SAMSN1: variants seen among roughly 807,000 people sequenced by gnomAD.
SAMSN1 encodes the protein SAM domain-containing protein SAMSN-1.
SAMSN1 carries 31 observed loss-of-function variants against 42.0 expected under a neutral mutation model. The observed-to-expected ratio is 0.74, with a 90% confidence interval of 0.55 to 1.00. The LOEUF (loss-of-function observed/expected upper bound fraction) is 1.00, where lower values mean the gene tolerates loss of function less well. Ranked by LOEUF, SAMSN1 falls within the 50% of genes least tolerant of loss-of-function variation. The probability of loss-of-function intolerance (pLI) is 0.00; values close to 1 mark genes in which losing one functional copy is unlikely to be tolerated. For missense variants in SAMSN1, 464 were observed against 439.4 expected, an observed-to-expected ratio of 1.06 and a Z score of -0.50; for synonymous variants, 178 against 151.9, an observed-to-expected ratio of 1.17 and a Z score of -1.26.
intron 2 of SAMSN1, among the ~76,000 whole-genome samples, chr21:14,618,221 T>C (rs1332912500): frequency 6.6e-6 from 1 of 152,224 alleles, no homozygotes; most frequent in Admixed American, 6.5e-5. Flanking sequence ...GTAATGAATA[T>C]TTTGGGCAAA....
At chr21:14,645,272 G>C (rs1445118113) in intron 1 of SAMSN1, among the ~76,000 whole-genome samples, 1 of 152,340 alleles carries the variant, frequency 6.6e-6, no homozygotes, top group South Asian at 2.1e-4. Flanking sequence ...AGCCACAGGG[G>C]TGCCAGTGTC....
intron 2 of SAMSN1, among the ~76,000 whole-genome samples, chr21:14,564,172 C>T (rs920789331): frequency 6.6e-6 from 1 of 152,124 alleles, no homozygotes; most frequent in Admixed American, 6.6e-5. Flanking sequence ...ATCAGATAAT[C>T]TAAGAGGACC....
At chr21:14,542,430 A>T (rs1038041166) in intron 1 of SAMSN1, among the ~76,000 whole-genome samples, 3 of 152,226 alleles carry the variant, frequency 2.0e-5, no homozygotes, top group African/African-American at 7.2e-5. Flanking sequence ...TTAGTGTACA[A>T]AAAGCTGTAA....
At chr21:14,560,634 T>C (rs1019433342) in intron 2 of SAMSN1, among the ~76,000 whole-genome samples, 4 of 152,206 alleles carry the variant, frequency 2.6e-5, no homozygotes, top group Admixed American at 2.0e-4. Flanking sequence ...CAACAAGCTT[T>C]AGAAATTTTG....
At chr21:14,627,895 T>C (rs1182311639) in intron 2 of SAMSN1, among the ~76,000 whole-genome samples, 2 of 152,150 alleles carry the variant, frequency 1.3e-5, no homozygotes. Flanking sequence ...CTAGGAAATG[T>C]GATACAGAAA....
intron 6 of SAMSN1, among the ~76,000 whole-genome samples, chr21:14,595,575 T>C (rs1455531976): frequency 6.6e-6 from 1 of 152,188 alleles, no homozygotes; most frequent in East Asian, 1.9e-4. Context: ...ATTAAACATC[T>C]TGAGGGAGTA....
intron 3 of SAMSN1, among the ~76,000 whole-genome samples, chr21:14,513,461 C>A (rs1987775095): frequency 6.6e-6 from 1 of 152,016 alleles, no homozygotes. Context: ...AACAAGATAA[C>A]AGGGTGCTTG....
At chr21:14,580,423 C>T (rs1180313906) in intron 2 of SAMSN1, among the ~76,000 whole-genome samples, 2 of 152,220 alleles carry the variant, frequency 1.3e-5, no homozygotes, top group Non-Finnish European at 2.9e-5. Context: ...AGCTTAGCCA[C>T]TTGCCAAGGA....
chr21:14,637,548 T>C (rs1040200907), intron 2 of SAMSN1, among the ~76,000 whole-genome samples: 5 of 152,192 alleles, frequency 3.3e-5, no homozygotes, highest in African/African-American at 9.7e-5. Flanking sequence ...AAGATGGGGT[T>C]TGGGTATCTG....
intron 2 of SAMSN1, among the ~76,000 whole-genome samples, chr21:14,634,262 T>C (rs1983408600): frequency 1.3e-5 from 2 of 151,818 alleles, no homozygotes; most frequent in African/African-American, 4.8e-5. Flanking sequence ...CAGGAAAAGA[T>C]TTTACGATGA....
intron 1 of SAMSN1, among the ~76,000 whole-genome samples, chr21:14,649,404 C>T (rs996170906): frequency 1.3e-4 from 19 of 151,368 alleles, no homozygotes; most frequent in Admixed American, 5.3e-4. Context: ...GCACATGTAC[C>T]CTAAAACTTA....
In SAMSN1 at chr21:14,648,538, T is replaced by G. The variant is rs1983764837; in HGVS notation, c.25-5405A>C. Reference sequence around the variant, plus strand: ...CTACTCATCTGACAAAGGGCTAATATCCAGAATCTACAATGAACTCAAACA... The same window carrying G: ...CTACTCATCTGACAAAGGGCTAATAGCCAGAATCTACAATGAACTCAAACA... On this transcript the variant is annotated intron_variant, in intron 1 of 15. Coordinates refer to the SAMSN1 transcript ENST00000647101. Among the ~76,000 whole-genome samples, 3 of 152,128 alleles carry G rather than the reference T, an allele frequency of 2.0e-5. No homozygotes were observed. The South Asian group carries it at 6.2e-4, about 32-fold the overall frequency.
At chr21:14,599,504 G>A (rs528396608) in intron 6 of SAMSN1, among the ~76,000 whole-genome samples, 1 of 152,120 alleles carries the variant, frequency 6.6e-6, no homozygotes, top group Admixed American at 6.6e-5. Flanking sequence ...TTAGCCTCGG[G>A]TATTTCTTCA....
At chr21:14,611,071 A>T (rs1982694008) in intron 4 of SAMSN1, among the ~76,000 whole-genome samples, 1 of 151,748 alleles carries the variant, frequency 6.6e-6, no homozygotes, top group Non-Finnish European at 1.5e-5. Flanking sequence ...AACTACAGTC[A>T]TGTGCCACCA....
chr21:14,641,275 T>C (rs1040867630), intron 2 of SAMSN1, among the ~76,000 whole-genome samples: 13 of 152,198 alleles, frequency 8.5e-5, no homozygotes, highest in Non-Finnish European at 1.9e-4. Flanking sequence ...ATTTTTGTAT[T>C]ATTTTTATGT....
At chr21:14,554,625 G>T (rs968434946) in intron 2 of SAMSN1, among the ~76,000 whole-genome samples, 3 of 151,626 alleles carry the variant, frequency 2.0e-5, no homozygotes, top group African/African-American at 7.3e-5. Flanking sequence ...GAAAAAACCC[G>T]ACTGGAATTT....
intron 2 of SAMSN1, among the ~76,000 whole-genome samples, chr21:14,577,314 T>G (rs1451136597): frequency 7.5e-6 from 1 of 134,064 alleles, no homozygotes; most frequent in Non-Finnish European, 1.6e-5. Context: ...AGGGTTTTAC[T>G]GTGTTAGCCA....
At chr21:14,598,895 C>A (rs939095143) in intron 6 of SAMSN1, among the ~76,000 whole-genome samples, 1 of 152,098 alleles carries the variant, frequency 6.6e-6, no homozygotes, top group Non-Finnish European at 1.5e-5. Context: ...CACTAGGATA[C>A]TATTCATTAT....
intron 7 of SAMSN1, among the ~76,000 whole-genome samples, chr21:14,497,524 G>A (rs561441472): frequency 5.9e-5 from 9 of 152,278 alleles, no homozygotes; most frequent in South Asian, 2.1e-4. Context: ...CCTGGGAGGC[G>A]GAGGTCGCGG....
Sources: gnomAD v4.1 joint callset for allele counts (sites outside exome capture counted in the v4.1 genomes callset) on GRCh38, gnomAD v4.1.1 for gene constraint, MANE v1.5 for transcripts, NCBI Gene and HGNC (gene_info 2026-07-23, HGNC 2026-07-21) for gene names.